The following RBFOX1 variants were observed in gnomAD, a reference collection of about 807,000 sequenced individuals.
The protein encoded by RBFOX1 is RNA binding protein fox-1 homolog 1.
Under a neutral mutation model 57.7 loss-of-function variants are expected in RBFOX1, and 8 were observed. That is an observed-to-expected ratio of 0.14 (90% confidence interval 0.08 to 0.25). The LOEUF (loss-of-function observed/expected upper bound fraction) is 0.25. Among genes scored for constraint, RBFOX1 ranks in the 10% least tolerant of loss-of-function variants. The pLI is 1.00. For missense variants in RBFOX1, 611 were observed against 548.5 expected (o/e 1.11, Z -1.14); for synonymous variants, 326 against 222.4 (o/e 1.47, Z -4.15).
intron 1 of RBFOX1, chr16:5,289,183 C>T: frequency 1.1e-5 from 3 of 274,558 alleles, no homozygotes; most frequent in South Asian, 1.4e-4. Flanking sequence ...TGTAATGAGG[C>T]CTCCCCTCTA....
chr16:7,365,685 C>G (rs775564965), intron 4 of RBFOX1, among the ~76,000 whole-genome samples: 1 of 152,182 alleles, frequency 6.6e-6, no homozygotes, highest in Non-Finnish European at 1.5e-5. Context: ...AGGTACTTTA[C>G]TTCCCACAGT....
chr16:5,903,367 T>C (rs1281936961), intron 4 of RBFOX1, among the ~76,000 whole-genome samples: 1 of 152,180 alleles, frequency 6.6e-6, no homozygotes, highest in Non-Finnish European at 1.5e-5. Flanking sequence ...CTATGCCTAT[T>C]CTTCCTGACA....
intron 4 of RBFOX1, among the ~76,000 whole-genome samples, chr16:5,908,456 G>C (rs1269960968): frequency 1.3e-5 from 2 of 151,524 alleles, no homozygotes; most frequent in East Asian, 3.9e-4. Flanking sequence ...GGTTTCAGGT[G>C]ATTCTTCTGC....
chr16:7,117,298 A>G (rs926748699), intron 4 of RBFOX1, among the ~76,000 whole-genome samples: 1 of 152,178 alleles, frequency 6.6e-6, no homozygotes, highest in African/African-American at 2.4e-5. Context: ...TTATTTAATT[A>G]GAAAATTTTC....
chr16:7,479,626 G>A (rs1347013242), intron 4 of RBFOX1, among the ~76,000 whole-genome samples: 1 of 152,106 alleles, frequency 6.6e-6, no homozygotes, highest in African/African-American at 2.4e-5. Context: ...GCTCAGAGAT[G>A]GAAGGATGCA....
chr16:6,323,287 G>C (rs12446927), intron 2 of RBFOX1, among the ~76,000 whole-genome samples: 1 of 151,966 alleles, frequency 6.6e-6, no homozygotes, highest in African/African-American at 2.4e-5. Flanking sequence ...GCACCCCACT[G>C]TCAGCCTCGT....
At chr16:7,168,388 A>G (rs1316695123) in intron 4 of RBFOX1, among the ~76,000 whole-genome samples, 1 of 152,122 alleles carries the variant, frequency 6.6e-6, no homozygotes, top group Non-Finnish European at 1.5e-5. Context: ...AATGGGAAAG[A>G]GTGTACCTCA....
chr16:5,756,190 C>T (rs1293196281), intron 3 of RBFOX1, among the ~76,000 whole-genome samples: 1 of 118,110 alleles, frequency 8.5e-6, no homozygotes, highest in East Asian at 2.8e-4. Context: ...TATTTGATTT[C>T]TGTGAACCCC....
At chr16:6,370,188 C>G (rs1156749423) in intron 2 of RBFOX1, among the ~76,000 whole-genome samples, 1 of 151,682 alleles carries the variant, frequency 6.6e-6, no homozygotes, top group Admixed American at 6.6e-5. Context: ...GAAAACCTGT[C>G]TCTACTAAAA....
chr16:5,840,425 G>C (rs926993443), intron 3 of RBFOX1, among the ~76,000 whole-genome samples: 1 of 152,174 alleles, frequency 6.6e-6, no homozygotes, highest in Non-Finnish European at 1.5e-5. Flanking sequence ...TGCCCCAGAG[G>C]ATGCTGTGCT....
intron 3 of RBFOX1, among the ~76,000 whole-genome samples, chr16:6,693,692 C>A (rs1048903768): frequency 4.6e-5 from 7 of 151,646 alleles, no homozygotes; most frequent in Non-Finnish European, 1.0e-4. Flanking sequence ...CCACCATCAT[C>A]ATCACCATCA....
intron 3 of RBFOX1, among the ~76,000 whole-genome samples, chr16:6,678,183 G>GCA (rs905095487): frequency 6.6e-6 from 1 of 152,202 alleles, no homozygotes; most frequent in African/African-American, 2.4e-5. Flanking sequence ...GAGTGCAGTG[G>GCA]CACAATCTCG....
chr16:6,120,664 T>C (rs1567503923), intron 1 of RBFOX1, among the ~76,000 whole-genome samples: 1 of 152,236 alleles, frequency 6.6e-6, no homozygotes, highest in East Asian at 1.9e-4. Flanking sequence ...TTGTTATTAA[T>C]TATTAATATT....
chr16:6,244,988 C>T (rs1215216710), intron 1 of RBFOX1, among the ~76,000 whole-genome samples: 1 of 151,962 alleles, frequency 6.6e-6, no homozygotes, highest in African/African-American at 2.4e-5. Flanking sequence ...GTACCTCTGA[C>T]AGTATGATAT....
chr16:7,591,419 T>G (rs1195922696), intron 7 of RBFOX1, among the ~76,000 whole-genome samples: 1 of 152,110 alleles, frequency 6.6e-6, no homozygotes, highest in Admixed American at 6.6e-5. Flanking sequence ...AATGGTGTAT[T>G]TGCATGAATG....
rs868273507 is a variant in RBFOX1 at position 7,062,269 on chromosome 16, G to C, written c.27+10171G>C. 1.8e-4 allele frequency among the ~76,000 whole-genome samples: 23 copies of C among 125,380 alleles called. No homozygotes were observed. The South Asian group carries it at 1.9e-3, about 10-fold the overall frequency. 82.3% of individuals were successfully genotyped at this position (125,380 alleles called of 152,430 possible). ...AGATCATGAGGTTGCAGTGAGCCGAGATCATGCCACTGCACTCCAGTCTGA... is the reference window on the plus strand; with the variant it reads ...AGATCATGAGGTTGCAGTGAGCCGACATCATGCCACTGCACTCCAGTCTGA... On this transcript the variant is annotated intron_variant, in intron 4 of 15. Transcript: ENST00000550418.
chr16:7,110,776 G>C (rs1384669530), intron 4 of RBFOX1, among the ~76,000 whole-genome samples: 2 of 152,166 alleles, frequency 1.3e-5, no homozygotes, highest in Admixed American at 6.5e-5. Flanking sequence ...TTACAAAGTG[G>C]TCATGTCACA....
intron 4 of RBFOX1, among the ~76,000 whole-genome samples, chr16:7,199,631 C>A (rs185997750): frequency 1.3e-4 from 20 of 152,294 alleles, no homozygotes; most frequent in African/African-American, 4.8e-4. Flanking sequence ...CAGTAGCTCA[C>A]GCCTGTAATC....
At chr16:6,096,549 C>A (rs2096247323) in intron 1 of RBFOX1, among the ~76,000 whole-genome samples, 1 of 152,114 alleles carries the variant, frequency 6.6e-6, no homozygotes, top group Admixed American at 6.5e-5. Flanking sequence ...TTTGTGAATT[C>A]TCTACTCCTA....
Sources: allele counts gnomAD v4.1 joint callset (sites outside exome capture counted in the v4.1 genomes callset), GRCh38; gene constraint gnomAD v4.1.1; transcripts MANE v1.5; gene names NCBI Gene and HGNC (gene_info 2026-07-23, HGNC 2026-07-21).